MLLT3: variants seen among roughly 807,000 people sequenced by gnomAD.
MLLT3 encodes the protein MLLT3 super elongation complex subunit, also known as protein AF-9.
A neutral mutation model predicts 53.2 loss-of-function variants in MLLT3; 4 were observed. The ratio of observed to expected loss-of-function variants is 0.08; its 90% CI spans 0.04 to 0.17. MLLT3 has a LOEUF of 0.17. Ranked by LOEUF, MLLT3 falls within the 10% of genes least tolerant of loss-of-function variation. MLLT3 has a pLI of 1.00. For missense variants in MLLT3, 569 were observed against 684.0 expected (o/e 0.83, Z 1.87); for synonymous variants, 283 against 230.6 (o/e 1.23, Z -2.06).
chr9:20,606,731 G>A (rs896423480), intron 2 of MLLT3, among the ~76,000 whole-genome samples: 1 of 151,886 alleles, frequency 6.6e-6, no homozygotes, highest in Non-Finnish European at 1.5e-5. Flanking sequence ...CATACAGGAG[G>A]GCTTTTCTTT....
chr9:20,543,970 G>A (rs951945592), intron 2 of MLLT3, among the ~76,000 whole-genome samples: 2 of 151,888 alleles, frequency 1.3e-5, no homozygotes, highest in African/African-American at 4.8e-5. Flanking sequence ...CCTACAACAG[G>A]GGAATCAAAA....
chr9:20,619,702 T>C (rs780531284), intron 2 of MLLT3, among the ~76,000 whole-genome samples: 3 of 152,236 alleles, frequency 2.0e-5, no homozygotes, highest in Non-Finnish European at 4.4e-5. Context: ...TTCCAGAGGT[T>C]GAAGGGAAAA....
intron 2 of MLLT3, among the ~76,000 whole-genome samples, chr9:20,522,012 T>G (rs1055822964): frequency 6.6e-6 from 1 of 151,848 alleles, no homozygotes; most frequent in African/African-American, 2.4e-5. Context: ...TCACAGTTTT[T>G]TTTTTTTTTA....
At chr9:20,474,966 T>A (rs1824484721) in intron 2 of MLLT3, among the ~76,000 whole-genome samples, 1 of 152,102 alleles carries the variant, frequency 6.6e-6, no homozygotes, top group Non-Finnish European at 1.5e-5. Context: ...CTTAATGCTA[T>A]GAATCCAACA....
intron 2 of MLLT3, among the ~76,000 whole-genome samples, chr9:20,463,093 C>T (rs540020067): frequency 7.9e-5 from 12 of 152,082 alleles, no homozygotes; most frequent in Middle Eastern, 3.4e-3. Context: ...GGATTGCACT[C>T]GTAAAGGAGG....
chr9:20,364,576 C>A (rs570536284), intron 6 of MLLT3, among the ~76,000 whole-genome samples: 1 of 152,354 alleles, frequency 6.6e-6, no homozygotes, highest in Admixed American at 6.5e-5. Context: ...TACAATCTCA[C>A]ATTCTGCAAA....
intron 4 of MLLT3, among the ~76,000 whole-genome samples, chr9:20,421,801 T>C (rs182475884): frequency 1.2e-3 from 180 of 152,132 alleles, no homozygotes; most frequent in African/African-American, 4.0e-3. Flanking sequence ...TCAAAATAGG[T>C]ACTTAAATAC....
chr9:20,464,432 C>T (rs552050690), intron 2 of MLLT3, among the ~76,000 whole-genome samples: 7 of 151,958 alleles, frequency 4.6e-5, no homozygotes, highest in Non-Finnish European at 1.0e-4. Context: ...ACTTAATAAA[C>T]TTATATCCAC....
At chr9:20,581,047 C>T (rs1308027077) in intron 2 of MLLT3, among the ~76,000 whole-genome samples, 2 of 152,178 alleles carry the variant, frequency 1.3e-5, no homozygotes, top group Non-Finnish European at 2.9e-5. Context: ...TGAACACACC[C>T]GTTTATTTTG....
intron 2 of MLLT3, among the ~76,000 whole-genome samples, chr9:20,567,994 A>G (rs1422511025): frequency 1.3e-5 from 2 of 152,168 alleles, no homozygotes; most frequent in African/African-American, 2.4e-5. Flanking sequence ...CTTGGAGTCC[A>G]TGTTCTGTGG....
intron 2 of MLLT3, among the ~76,000 whole-genome samples, chr9:20,588,954 T>A (rs1048532558): frequency 1.3e-5 from 2 of 151,052 alleles, no homozygotes; most frequent in Non-Finnish European, 3.0e-5. Context: ...GAAGAGCATG[T>A]GGAGAAATAG....
intron 5 of MLLT3, among the ~76,000 whole-genome samples, chr9:20,379,488 A>C (rs890307380): frequency 4.6e-5 from 7 of 151,980 alleles, no homozygotes; most frequent in Admixed American, 2.0e-4. Flanking sequence ...CCTAAAAACA[A>C]ATCTAAATTA....
At chr9:20,351,232 C>A (rs776967619) in intron 10 of MLLT3, among the ~76,000 whole-genome samples, 2 of 152,210 alleles carry the variant, frequency 1.3e-5, no homozygotes, top group African/African-American at 2.4e-5. Flanking sequence ...CCATTCCCTG[C>A]AGACAATTCG....
At chr9:20,425,959 T>C (rs1320769419) in intron 4 of MLLT3, among the ~76,000 whole-genome samples, 1 of 152,024 alleles carries the variant, frequency 6.6e-6, no homozygotes, top group Non-Finnish European at 1.5e-5. Flanking sequence ...GGCAAAAATA[T>C]TTAATATTTT....
At chr9:20,579,759 C>A (rs1389888710) in intron 2 of MLLT3, among the ~76,000 whole-genome samples, 2 of 152,106 alleles carry the variant, frequency 1.3e-5, no homozygotes, top group African/African-American at 4.8e-5. Flanking sequence ...AAGTTAGGGA[C>A]ACATATGAGA....
chr9:20,400,765 G>C (rs1345445363), intron 5 of MLLT3, among the ~76,000 whole-genome samples: 1 of 151,854 alleles, frequency 6.6e-6, no homozygotes, highest in African/African-American at 2.4e-5. Flanking sequence ...AAGAGAATTT[G>C]GTACTTAGTC....
At chr9:20,572,873 G>C (rs555794433) in intron 2 of MLLT3, among the ~76,000 whole-genome samples, 4 of 152,260 alleles carry the variant, frequency 2.6e-5, no homozygotes, top group Admixed American at 1.3e-4. Flanking sequence ...GAAAATTTCT[G>C]AACTACCTTT....
intron 5 of MLLT3, among the ~76,000 whole-genome samples, chr9:20,394,987 G>A (rs1822283740): frequency 6.6e-6 from 1 of 152,088 alleles, no homozygotes; most frequent in Admixed American, 6.6e-5. Flanking sequence ...TGAAAGAAAG[G>A]TCCCACAAGA....
chr9:20,462,566 C>A (rs2118872464), intron 2 of MLLT3, among the ~76,000 whole-genome samples: 1 of 152,194 alleles, frequency 6.6e-6, no homozygotes, highest in Non-Finnish European at 1.5e-5. Context: ...TCTGGACTCA[C>A]CACTCAAGGC....
Sources: gnomAD v4.1 joint callset for allele counts (sites outside exome capture counted in the v4.1 genomes callset) on GRCh38, gnomAD v4.1.1 for gene constraint, MANE v1.5 for transcripts, NCBI Gene and HGNC (gene_info 2026-07-23, HGNC 2026-07-21) for gene names.